SLCO1B1: variants seen among roughly 807,000 people sequenced by gnomAD.
SLCO1B1 encodes the protein OATP-2.
In SLCO1B1, 81 loss-of-function variants were observed where a neutral mutation model predicts 70.1. The ratio of observed to expected loss-of-function variants is 1.16; its 90% CI spans 0.97 to 1.39. The LOEUF (loss-of-function observed/expected upper bound fraction) is 1.39. Ranked by LOEUF, SLCO1B1 falls within the 40% of genes most tolerant of loss-of-function variation. SLCO1B1 has a pLI of 0.00. For synonymous variants in SLCO1B1, 283 were observed against 271.5 expected, an observed-to-expected ratio of 1.04 and a Z score of -0.42; for missense variants, 895 against 799.6, an observed-to-expected ratio of 1.12 and a Z score of -1.44.
intron 1 of SLCO1B1, among the ~76,000 whole-genome samples, chr12:21,133,374 C>A (rs1204872504): frequency 2.0e-5 from 3 of 152,240 alleles, no homozygotes; most frequent in South Asian, 2.1e-4. Flanking sequence ...TGAAGAAAGT[C>A]ATTGGTAGCT....
At chr12:21,216,308 C>T (rs1237944223) in intron 11 of SLCO1B1, among the ~76,000 whole-genome samples, 1 of 152,044 alleles carries the variant, frequency 6.6e-6, no homozygotes, top group Non-Finnish European at 1.5e-5. Flanking sequence ...GTAAGTTTGG[C>T]AGAACTGTAG....
chr12:21,137,107 G>C (rs563604916), intron 1 of SLCO1B1, among the ~76,000 whole-genome samples: 3 of 152,180 alleles, frequency 2.0e-5, no homozygotes, highest in Admixed American at 6.5e-5. Flanking sequence ...TGCAGACCCT[G>C]TTTGCCTGGG....
At position 21,141,530 on chromosome 12, in the gene SLCO1B1, G is replaced by T; in HGVS notation, c.-45G>T. The T allele has an allele frequency of 8.8e-7, 1 of 1,142,100 alleles. No homozygotes were observed. Among genetic ancestry groups the T allele is most frequent in the South Asian group, 1.3e-5 (1 of 79,980 alleles). 70.7% of individuals were successfully genotyped at this position (1,142,100 alleles called of 1,614,324 possible). A position where few individuals can be genotyped will look rare whatever the true frequency, so the allele number is the denominator to read the frequency against. ...CCTTAATAGGTGATTGTTTCAAACT[G>T]AGCATCAACAACAAAAACATTTGTA... On this transcript the variant is annotated 5_prime_UTR_variant, in exon 2 of 15. Transcript: ENST00000256958.
Position 21,222,370 on chromosome 12 carries a change from A to C in SLCO1B1, c.1747+6A>C, listed in dbSNP as rs1941432413. ...AATGGTTATACGAGCACTAGGTATG[A>C]TGAAAAAAAAAAAAAAAAAAAAAAA... On this transcript the variant is annotated splice_donor_region_variant and intron_variant, in intron 13 of 14. Transcript: ENST00000256958. The C allele has an allele frequency of 8.6e-6, 2 of 233,020 alleles. No homozygotes were observed. The highest frequency in any genetic ancestry group is 1.3e-5 in the Non-Finnish European group (2 of 153,392). 14.4% of individuals were successfully genotyped at this position (233,020 alleles called of 1,614,324 possible).
intron 13 of SLCO1B1, among the ~76,000 whole-genome samples, chr12:21,224,253 AC>A (rs1941460845): frequency 6.6e-6 from 1 of 151,886 alleles, no homozygotes; most frequent in African/African-American, 2.4e-5. Flanking sequence ...TGAAGCACTC[AC>A]TTTTAAATTC....
At chr12:21,236,700 C>T (rs11045890) in intron 14 of SLCO1B1, among the ~76,000 whole-genome samples, 3,274 of 152,266 alleles carry the variant, frequency 0.022, 119 homozygotes, top group African/African-American at 0.075. Context: ...TTCTTTACTA[C>T]ACCACAGCTG....
intron 7 of SLCO1B1, among the ~76,000 whole-genome samples, chr12:21,196,565 T>G (rs898616431): frequency 6.6e-6 from 1 of 152,178 alleles, no homozygotes; most frequent in Non-Finnish European, 1.5e-5. Context: ...TGACCCTTTC[T>G]TGATTTTATT....
chr12:21,189,196 T>C (rs1940998389), intron 7 of SLCO1B1, among the ~76,000 whole-genome samples: 1 of 152,188 alleles, frequency 6.6e-6, no homozygotes, highest in Non-Finnish European at 1.5e-5. Context: ...ATAATACCTT[T>C]TATACTGGCT....
intron 4 of SLCO1B1, among the ~76,000 whole-genome samples, chr12:21,175,652 C>A (rs1940810615): frequency 6.6e-6 from 1 of 152,070 alleles, no homozygotes; most frequent in African/African-American, 2.4e-5. Flanking sequence ...TAGGAAGTTT[C>A]TTCTTAGTGG....
chr12:21,206,283 T>A (rs547224111), intron 11 of SLCO1B1, among the ~76,000 whole-genome samples: 1 of 152,050 alleles, frequency 6.6e-6, no homozygotes, highest in East Asian at 1.9e-4. Context: ...TCCTTTGAGA[T>A]TGTAAGACTA....
In SLCO1B1 at chr12:21,177,057, C is replaced by T. The variant is rs11045820; in HGVS notation, c.481+160C>T. Reference sequence around the variant, plus strand: ...AATTATAGTGTTAATATACACAGTTCGCCCATTAACAACACAGGTTTAAAC... The same window carrying T: ...AATTATAGTGTTAATATACACAGTTTGCCCATTAACAACACAGGTTTAAAC... On this transcript the variant is annotated intron_variant, in intron 5 of 14. Coordinates refer to ENST00000256958, the MANE Select transcript of SLCO1B1 (RefSeq NM_006446.5). Among the ~76,000 whole-genome samples the T allele has an allele frequency of 0.11, 16,407 of 152,164 alleles. 1,198 individuals carry two copies. Among genetic ancestry groups the T allele is most frequent in the Non-Finnish European group, 0.16 (10,805 of 67,950 alleles).
chr12:21,134,872 C>G (rs1940195944), intron 1 of SLCO1B1, among the ~76,000 whole-genome samples: 1 of 152,112 alleles, frequency 6.6e-6, no homozygotes, highest in African/African-American at 2.4e-5. Flanking sequence ...TTGCCTTCTG[C>G]TAGCTTTTGA....
Position 21,196,987 on chromosome 12 carries a change from GC to G in SLCO1B1, c.770del (p.Ala257ValfsTer55), listed in dbSNP as rs1350319379. On this transcript the variant is annotated frameshift_variant, in exon 8 of 15. Transcript: ENST00000256958. LOFTEE classifies it high-confidence loss of function. ...TCCTACTGATTCTCGATGGGTTGGA[GC>G]TTGGTGGCTTAATTTCCTTGTGTCT... is the stretch of plus-strand genomic sequence containing the variant. ...ITPTDSRWVG[A>X]WWLNFLVSGL... 1.2e-6 allele frequency: 2 copies of G among 1,613,346 alleles called. No homozygotes were observed. Among genetic ancestry groups the G allele is most frequent in the African/African-American group, 2.7e-5 (2 of 74,848 alleles).
intron 10 of SLCO1B1, among the ~76,000 whole-genome samples, chr12:21,204,956 G>A (rs1196879505): frequency 6.6e-6 from 1 of 151,532 alleles, no homozygotes; most frequent in East Asian, 1.9e-4. Context: ...GAATTTGGGG[G>A]CCACAAACAT....
chr12:21,222,397 AATATATAT>A (rs751514211), intron 13 of SLCO1B1, 33 bp downstream of exon 13: 137 of 97,680 alleles, frequency 1.4e-3, no homozygotes, highest in South Asian at 9.2e-3. Context: ...AAAAAAAAAA[AATATATAT>A]ATATATATAT....
chr12:21,147,068 T>G (rs11045787), intron 2 of SLCO1B1, among the ~76,000 whole-genome samples: 19,797 of 152,206 alleles, frequency 0.13, 1,786 homozygotes, highest in Middle Eastern at 0.23. Flanking sequence ...GTATTTCTAC[T>G]GGCTTTTACT....
chr12:21,136,666 T>C lies in SLCO1B1; in HGVS notation c.-61-4848T>C, dbSNP rs566381422. Among the ~76,000 whole-genome samples the C allele has an allele frequency of 5.3e-5, 8 of 152,330 alleles. No individual in the cohort carries two copies. The South Asian group carries it at 1.5e-3, about 28-fold the overall frequency. Reference sequence around the variant, plus strand: ...CATTTGTCATGTGGCTCTCTTGCCTTGGTTTTCAGCTCCATCAAGTCCTTT... The same window carrying C: ...CATTTGTCATGTGGCTCTCTTGCCTCGGTTTTCAGCTCCATCAAGTCCTTT... On this transcript the variant is annotated intron_variant, in intron 1 of 14. Coordinates refer to ENST00000256958, the MANE Select transcript of SLCO1B1 (RefSeq NM_006446.5).
Position 21,215,356 on chromosome 12 carries a change from A to T in SLCO1B1, c.1498-1763A>T, listed in dbSNP as rs75108250. 8.7e-4 allele frequency among the ~76,000 whole-genome samples: 133 copies of T among 152,326 alleles called. 4 individuals are homozygous for T. The East Asian group carries it at 0.025, about 28-fold the overall frequency. The stretch of plus-strand genomic sequence containing the variant: ...TATTATTTTGAGCTATGTTCCTTCA[A>T]TGCCCAGTTTGTTGAAGAACTTTAT... On this transcript the variant is annotated intron_variant, in intron 11 of 14. Coordinates refer to ENST00000256958, the MANE Select transcript of SLCO1B1 (RefSeq NM_006446.5).
intron 7 of SLCO1B1, among the ~76,000 whole-genome samples, chr12:21,187,014 A>G (rs1433337468): frequency 6.6e-6 from 1 of 152,132 alleles, no homozygotes; most frequent in African/African-American, 2.4e-5. Context: ...GAAAGTGAAC[A>G]AGTTTTCAGA....
Sources: allele counts gnomAD v4.1 joint callset (sites outside exome capture counted in the v4.1 genomes callset), GRCh38; gene constraint gnomAD v4.1.1; transcripts MANE v1.5; gene names NCBI Gene and HGNC (gene_info 2026-07-23, HGNC 2026-07-21).